PHACTR2: variants seen among roughly 807,000 people sequenced by gnomAD.
PHACTR2 encodes phosphatase and actin regulator 2.
Under a neutral mutation model 76.0 loss-of-function variants are expected in PHACTR2, and 30 were observed. The ratio of observed to expected loss-of-function variants is 0.39; its 90% CI spans 0.30 to 0.54. The LOEUF is 0.54. PHACTR2 is among the 20% of genes least tolerant of loss of function. PHACTR2 has a pLI of 0.61. For synonymous variants in PHACTR2, 292 were observed against 292.5 expected (o/e 1.00, Z 0.02); for missense variants, 696 against 781.1 (o/e 0.89, Z 1.30).
At chr6:143,790,483 T>A (rs1355842898) in intron 11 of PHACTR2, among the ~76,000 whole-genome samples, 2 of 152,100 alleles carry the variant, frequency 1.3e-5, no homozygotes, top group Non-Finnish European at 2.9e-5. Flanking sequence ...CGTATCTCAT[T>A]GTGCTTTTAC....
intron 1 of PHACTR2, among the ~76,000 whole-genome samples, chr6:143,692,165 A>G (rs1056442129): frequency 2.0e-5 from 3 of 152,188 alleles, no homozygotes; most frequent in Non-Finnish European, 4.4e-5. Context: ...TCTTGTATAA[A>G]GATGTTTCTG....
rs1318464449 is a variant in PHACTR2, at chr6:143,803,086, A to G, written c.1846-3971A>G. Among the ~76,000 whole-genome samples the G allele has an allele frequency of 1.3e-5, 2 of 152,156 alleles. No homozygotes were observed. On this transcript the variant is annotated intron_variant, in intron 11 of 12. Coordinates refer to ENST00000440869, the MANE Select transcript of PHACTR2 (RefSeq NM_001100164.2). This position sits in a 1 kb window ranked among gnomAD's most constrained non-coding sequence, Gnocchi z 4.7. ...GGGGCCCAGAAGCTCATATTAATGG[A>G]AAGACTGTAGGATGTGAGGTTAAAA...
At chr6:143,572,536 T>C (rs1175260673) in intron 1 of PHACTR2, among the ~76,000 whole-genome samples, 1 of 152,188 alleles carries the variant, frequency 6.6e-6, no homozygotes, top group African/African-American at 2.4e-5. Context: ...TGTTTTTTTG[T>C]TTTGTTTTGG....
Position 143,630,801 on chromosome 6 carries a change from A to G in PHACTR2, c.13+22479A>G, listed in dbSNP as rs73005394. The stretch of plus-strand genomic sequence containing the variant: ...AGTGATGGAACTAAGCCAGAAATAC[A>G]CTGGTATGGATCAGCCTTTGGAGCA... On this transcript the variant is annotated intron_variant, in intron 1 of 11. Coordinates refer to the PHACTR2 transcript ENST00000305766. Among the ~76,000 whole-genome samples the G allele has an allele frequency of 5.6e-3, 852 of 152,350 alleles. 5 individuals carry two copies. The highest frequency in any genetic ancestry group is 0.01 in the Middle Eastern group (3 of 294).
intron 2 of PHACTR2, among the ~76,000 whole-genome samples, chr6:143,725,613 G>A (rs1480963401): frequency 6.6e-6 from 1 of 151,108 alleles, no homozygotes; most frequent in East Asian, 2.0e-4. Flanking sequence ...TGGGCAGGTG[G>A]ATCACGAGGT....
rs954797815 is a variant in PHACTR2, at chr6:143,581,997, T to C, written c.217+44790T>C. Among the ~76,000 whole-genome samples, 1 of 152,152 alleles carries C rather than the reference T, an allele frequency of 6.6e-6. No homozygotes were observed. Among genetic ancestry groups the C allele is most frequent in the African/African-American group, 2.4e-5 (1 of 41,436 alleles). ...ATGCCTAAGTGAGTCACATAAACCC[T>C]GGACAAAAGGCTGTACCGTCAATAT... On this transcript the variant is annotated intron_variant, in intron 1 of 11. Transcript: ENST00000367584. This position sits in a 1 kb window ranked among gnomAD's most constrained non-coding sequence, Gnocchi z 4.5.
chr6:143,806,780 T>A lies in PHACTR2; in HGVS notation c.1846-277T>A, dbSNP rs1282066238. On this transcript the variant is annotated intron_variant, in intron 11 of 12. Transcript: ENST00000440869. The surrounding 1 kb of genome is among the most constrained non-coding windows in gnomAD (Gnocchi z 5.8). ...ATCAGCCTGGGCAACATCTTGAGAC[T>A]GTGTCTCTACCAAAAAAAATTTAAA... 6.6e-6 allele frequency among the ~76,000 whole-genome samples: 1 copy of A among 152,100 alleles called. No individual in the cohort carries two copies. Among genetic ancestry groups the A allele is most frequent in the Non-Finnish European group, 1.5e-5 (1 of 68,008 alleles).
Position 143,772,321 on chromosome 6 carries a change from C to G in PHACTR2, c.1296C>G (p.Gly432=), listed in dbSNP as rs199621630. The stretch of plus-strand genomic sequence containing the variant: ...AGCTACTGACTCCTGGGCTGATGGG[C>G]GAATCTTCAGAATCCTTTAGTGCCT... ...VPQLLTPGLM[G]ESSESFSASE... is the part of the protein sequence containing the mutation. Residue 432 remains glycine (G), a synonymous_variant, in exon 7 of 13, where the codon GGC becomes GGG. Coordinates refer to ENST00000440869, the MANE Select transcript of PHACTR2 (RefSeq NM_001100164.2). This position sits in a 1 kb window ranked among gnomAD's most constrained non-coding sequence, Gnocchi z 5.4. 1.2e-6 allele frequency: 2 copies of G among 1,613,754 alleles called. No individual in the cohort carries two copies. The highest frequency in any genetic ancestry group is 1.3e-5 in the African/African-American group (1 of 75,012).
Position 143,547,036 on chromosome 6 carries a change from A to T in PHACTR2, c.217+9829A>T, listed in dbSNP as rs1775010915. 7.0e-6 allele frequency among the ~76,000 whole-genome samples: 1 copy of T among 143,686 alleles called. No homozygotes were observed. The highest frequency in any genetic ancestry group is 2.2e-4 in the South Asian group (1 of 4,540). The allele number at this position is 143,686 out of a possible 152,430, so 94.3% of individuals were successfully genotyped here. A position where few individuals can be genotyped will look rare whatever the true frequency, so the allele number is the denominator to read the frequency against. ...TGGGTAACAAAGTGTGACCCCATCT[A>T]AAAAAAAAAAAGAATATGGCTTATG... On this transcript the variant is annotated intron_variant, in intron 1 of 11. Coordinates refer to the PHACTR2 transcript ENST00000367584. The surrounding 1 kb of genome is among the most constrained non-coding windows in gnomAD (Gnocchi z 4.2).
intron 1 of PHACTR2, among the ~76,000 whole-genome samples, chr6:143,670,308 T>C (rs559108883): frequency 1.2e-4 from 19 of 152,264 alleles, no homozygotes; most frequent in Non-Finnish European, 2.8e-4. Flanking sequence ...GTGAATCTGA[T>C]AATTATGTGT....
chr6:143,571,729 T>C lies in PHACTR2; in HGVS notation c.217+34522T>C, dbSNP rs1488274261. Among the ~76,000 whole-genome samples, 1 of 152,122 alleles carries C rather than the reference T, an allele frequency of 6.6e-6. No individual in the cohort carries two copies. Among genetic ancestry groups the C allele is most frequent in the African/African-American group, 2.4e-5 (1 of 41,410 alleles). On this transcript the variant is annotated intron_variant, in intron 1 of 11. Transcript: ENST00000367584. The surrounding 1 kb of genome is among the most constrained non-coding windows in gnomAD (Gnocchi z 4.6). Reference sequence around the variant, plus strand: ...TGTCCATTTGCCATGCTCCCATCATTAAAAAAATCATTTCCTTACTTTCTG... The same window carrying C: ...TGTCCATTTGCCATGCTCCCATCATCAAAAAAATCATTTCCTTACTTTCTG...
chr6:143,684,984 T>C lies in PHACTR2; in HGVS notation c.46+6775T>C, dbSNP rs1777482477. ...TTATAGACTTTCCTTATTTTTATGG[T>C]TTCTTACAAATTTGTATATTCAGGA... On this transcript the variant is annotated intron_variant, in intron 1 of 12. Coordinates refer to ENST00000440869, the MANE Select transcript of PHACTR2 (RefSeq NM_001100164.2). This position sits in a 1 kb window ranked among gnomAD's most constrained non-coding sequence, Gnocchi z 4.3. Among the ~76,000 whole-genome samples, 1 of 152,188 alleles carries C rather than the reference T, an allele frequency of 6.6e-6. No homozygotes were observed. The highest frequency in any genetic ancestry group is 2.1e-4 in the South Asian group (1 of 4,830).
At position 143,765,603 on chromosome 6, in the gene PHACTR2, C is replaced by T. The variant is rs760849002; in HGVS notation, c.1037C>T (p.Pro346Leu). ...CCCCCTGTGGCTCCAGCACCTTCTC[C>T]TCTGGCCCCCCCTCTCCCTCTTGAG... ...PPPPVAPAPSPLAPPLPLEDQ... is the reference protein window; with the variant it reads ...PPPPVAPAPSLLAPPLPLEDQ... Residue 346 changes from proline (P) to leucine (L), a missense_variant, in exon 6 of 13, where the codon CCT (proline) becomes CTT (leucine). Pro to Leu is a moderately conservative substitution (Grantham distance 98, BLOSUM62 -3). This residue lies in a region of PHACTR2 where 460 missense variants were observed against 450.9 expected (regional missense o/e 1.02). Coordinates refer to ENST00000440869, the MANE Select transcript of PHACTR2 (RefSeq NM_001100164.2). The surrounding 1 kb of genome is among the most constrained non-coding windows in gnomAD (Gnocchi z 4.1). 8.7e-6 allele frequency: 14 copies of T among 1,614,028 alleles called. No homozygotes were observed. In the African/African-American group the frequency reaches 1.9e-4, roughly 22 times the overall value.
At position 143,776,696 on chromosome 6, in the gene PHACTR2, A is replaced by G. The variant is rs1394130910; in HGVS notation, c.1590-632A>G. ...TACAGCTTAGCTTATAGTCTAATTAATATATAGCTCATTAGGGTCTAAAAT... is the reference window on the plus strand; with the variant it reads ...TACAGCTTAGCTTATAGTCTAATTAGTATATAGCTCATTAGGGTCTAAAAT... On this transcript the variant is annotated intron_variant, in intron 8 of 12. Coordinates refer to ENST00000440869, the MANE Select transcript of PHACTR2 (RefSeq NM_001100164.2). This position sits in a 1 kb window ranked among gnomAD's most constrained non-coding sequence, Gnocchi z 5.3. Among the ~76,000 whole-genome samples the G allele has an allele frequency of 6.6e-6, 1 of 152,196 alleles. No individual in the cohort carries two copies. The highest frequency in any genetic ancestry group is 6.5e-5 in the Admixed American group (1 of 15,278).
In PHACTR2 at chr6:143,593,505, G is replaced by T. The variant is rs1463473075; in HGVS notation, c.217+56298G>T. Among the ~76,000 whole-genome samples the T allele has an allele frequency of 8.5e-5, 13 of 152,262 alleles. No individual in the cohort carries two copies. The East Asian group carries it at 2.3e-3, about 27-fold the overall frequency. On this transcript the variant is annotated intron_variant, in intron 1 of 11. Transcript: ENST00000367584. Reference sequence around the variant, plus strand: ...AGTAACAGCACAGCAAGTTTATTTTGGGGTTAAAGATACATATTCTTTTCA... The same window carrying T: ...AGTAACAGCACAGCAAGTTTATTTTTGGGTTAAAGATACATATTCTTTTCA...
At chr6:143,756,594 G>A (rs1268909623) in intron 4 of PHACTR2, among the ~76,000 whole-genome samples, 1 of 151,448 alleles carries the variant, frequency 6.6e-6, no homozygotes, top group East Asian at 1.9e-4. Context: ...AGCTACTCGG[G>A]AGGCTGAGGC....
chr6:143,676,056 C>G (rs1181107818), upstream of PHACTR2, among the ~76,000 whole-genome samples: 5 of 152,190 alleles, frequency 3.3e-5, no homozygotes, highest in East Asian at 9.6e-4. The surrounding 1 kb of genome is among the most constrained non-coding windows in gnomAD (Gnocchi z 4.8). Context: ...AGAACAAGAA[C>G]TGTCCCACTC....
At chr6:143,666,845 A>AG (rs1358469197) in intron 1 of PHACTR2, among the ~76,000 whole-genome samples, 1 of 152,180 alleles carries the variant, frequency 6.6e-6, no homozygotes, top group Non-Finnish European at 1.5e-5. Context: ...CACTCTGCTG[A>AG]GAGTTTCTTT....
In PHACTR2 at chr6:143,637,573, C is replaced by G. The variant is rs1009497591; in HGVS notation, c.13+29251C>G. Among the ~76,000 whole-genome samples, 9 of 152,220 alleles carry G rather than the reference C, an allele frequency of 5.9e-5. No individual in the cohort carries two copies. In the East Asian group the frequency reaches 1.7e-3, roughly 29 times the overall value. ...TAACTATGTCACAGCTTGTATGGGT[C>G]AGGAGTTCAGGCACAACTTAGCTGG... On this transcript the variant is annotated intron_variant, in intron 1 of 11. Coordinates refer to the PHACTR2 transcript ENST00000305766.
Sources: gnomAD v4.1 joint callset for allele counts (sites outside exome capture counted in the v4.1 genomes callset) on GRCh38, gnomAD v4.1.1 for gene constraint, gnomAD v4.1.1 regional missense constraint, Gnocchi (gnomAD v3.1) non-coding constraint, MANE v1.5 for transcripts, NCBI Gene and HGNC (gene_info 2026-07-23, HGNC 2026-07-21) for gene names.